PLXNA4: variants seen among roughly 807,000 people sequenced by gnomAD.
The protein encoded by PLXNA4 is plexin A4.
In PLXNA4, 44 loss-of-function variants were observed where a neutral mutation model predicts 191.8. The ratio of observed to expected loss-of-function variants is 0.23; its 90% CI spans 0.18 to 0.29. The LOEUF is 0.29. PLXNA4 is among the 10% of genes least tolerant of loss of function. PLXNA4 has a pLI of 1.00. For missense variants in PLXNA4, 1,800 were observed against 2,488.8 expected (o/e 0.72, Z 5.89); for synonymous variants, 1,082 against 1,009.5 (o/e 1.07, Z -1.36).
chr7:132,643,149 T>C (rs1803783636), intron 2 of PLXNA4, among the ~76,000 whole-genome samples: 2 of 152,148 alleles, frequency 1.3e-5, no homozygotes, highest in African/African-American at 4.8e-5. Flanking sequence ...CATGTAAGAC[T>C]GTGGCTCTGT....
At chr7:132,133,308 G>C (rs1265717494) in intron 30 of PLXNA4, 109 bp from the exon 31 acceptor site, 3 of 1,519,080 alleles carry the variant, frequency 2.0e-6, no homozygotes, top group Non-Finnish European at 2.6e-6. Context: ...TTGCACTGCA[G>C]GTAGTGGGTA....
intron 3 of PLXNA4, among the ~76,000 whole-genome samples, chr7:132,418,030 A>G (rs1248366541): frequency 6.6e-6 from 1 of 152,234 alleles, no homozygotes; most frequent in Non-Finnish European, 1.5e-5. Flanking sequence ...ATTTAGAACT[A>G]GCATTCTGGG....
intron 3 of PLXNA4, among the ~76,000 whole-genome samples, chr7:132,318,661 C>CTT (rs56179808): frequency 0.017 from 1,854 of 109,800 alleles, 26 homozygotes; most frequent in Non-Finnish European, 0.026. Flanking sequence ...ACGCACTTTG[C>CTT]TTTTTTTTTT....
At chr7:132,603,708 G>A (rs79235259) in intron 2 of PLXNA4, among the ~76,000 whole-genome samples, 2,179 of 152,256 alleles carry the variant, frequency 0.014, 31 homozygotes, top group Middle Eastern at 0.041. Flanking sequence ...CTTAGGACTT[G>A]GGAGTCAGAT....
In PLXNA4 at chr7:132,391,520, G is replaced by A. The variant is rs373782925; in HGVS notation, c.1372-93298C>T. ...CACCCTTACAACCCTTTAGCCTGAG[G>A]GAGCAAAGAATGGGGATGTTTATTG... On this transcript the variant is annotated intron_variant, in intron 3 of 31. Transcript: ENST00000321063. Among the ~76,000 whole-genome samples, 4 of 152,318 alleles carry A rather than the reference G, an allele frequency of 2.6e-5. No homozygotes were observed. The South Asian group carries it at 8.3e-4, about 32-fold the overall frequency.
In PLXNA4 at chr7:132,147,842, C is replaced by CA. The variant is rs1439707152; in HGVS notation, c.4864+57dup. 15 of 1,610,498 alleles carry CA rather than the reference C, an allele frequency of 9.3e-6. No individual in the cohort carries two copies. In the African/African-American group the frequency reaches 1.9e-4, roughly 20 times the overall value. ...TCCTGCCTTCTGGCTATGCTGCTGTCATGACAACAGCTGCTCAGGACACCC... is the reference window on the plus strand; with the variant it reads ...TCCTGCCTTCTGGCTATGCTGCTGTCAATGACAACAGCTGCTCAGGACACCC... On this transcript the variant is annotated intron_variant, in intron 27 of 31. Transcript: ENST00000321063.
intron 3 of PLXNA4, among the ~76,000 whole-genome samples, chr7:132,309,451 A>T (rs948848914): frequency 2.0e-5 from 3 of 152,112 alleles, no homozygotes; most frequent in Admixed American, 2.0e-4. Flanking sequence ...CCTCATCCAC[A>T]CGCCTCTATT....
chr7:132,483,785 C>A (rs1373224403), intron 3 of PLXNA4, among the ~76,000 whole-genome samples: 1 of 152,178 alleles, frequency 6.6e-6, no homozygotes, highest in African/African-American at 2.4e-5. Context: ...TGTGCACTAG[C>A]AATGATCACT....
chr7:132,516,596 T>C (rs1019560943), intron 1 of PLXNA4, among the ~76,000 whole-genome samples: 2 of 152,180 alleles, frequency 1.3e-5, no homozygotes, highest in Non-Finnish European at 2.9e-5. Flanking sequence ...CCAACGACTA[T>C]TGATGGAGCA....
At chr7:132,140,006 G>A (rs1258139993) in intron 30 of PLXNA4, among the ~76,000 whole-genome samples, 3 of 152,198 alleles carry the variant, frequency 2.0e-5, no homozygotes, top group African/African-American at 7.2e-5. Flanking sequence ...GCCCAGCCCT[G>A]CGGCTCATAG....
At chr7:132,603,536 A>G (rs1802860733) in intron 2 of PLXNA4, among the ~76,000 whole-genome samples, 1 of 152,212 alleles carries the variant, frequency 6.6e-6, no homozygotes, top group Non-Finnish European at 1.5e-5. Flanking sequence ...CCCAGCCTCT[A>G]ATATGCACCA....
At chr7:132,619,434 C>T (rs964896641) in intron 2 of PLXNA4, among the ~76,000 whole-genome samples, 3 of 152,230 alleles carry the variant, frequency 2.0e-5, no homozygotes, top group Non-Finnish European at 4.4e-5. Context: ...TTATTTGCTA[C>T]TGTTTCATCA....
chr7:132,601,051 A>G (rs1802808635), intron 2 of PLXNA4, among the ~76,000 whole-genome samples: 1 of 152,120 alleles, frequency 6.6e-6, no homozygotes, highest in Non-Finnish European at 1.5e-5. Context: ...AGTACACAGA[A>G]ACTTTTTTCT....
Position 132,130,253 on chromosome 7 carries a change from A to T in PLXNA4, c.*226T>A. 1.7e-6 allele frequency: 1 copy of T among 577,126 alleles called. No individual in the cohort carries two copies. Among genetic ancestry groups the T allele is most frequent in the South Asian group, 2.1e-5 (1 of 47,362 alleles). The allele number at this position is 577,126 out of a possible 1,614,324, so 35.8% of individuals were successfully genotyped here. A position where few individuals can be genotyped will look rare whatever the true frequency, so the allele number is the denominator to read the frequency against. ...CATGGGCCTGGCCATTCTTGGACTA[A>T]CTGAGGGTCAGTGGCTTGGTCCAAT... is the stretch of plus-strand genomic sequence containing the variant. On this transcript the variant is annotated 3_prime_UTR_variant, in exon 32 of 32. Coordinates refer to ENST00000321063, the MANE Select transcript of PLXNA4 (RefSeq NM_020911.2).
chr7:132,626,649 G>T (rs113978764), intron 2 of PLXNA4, among the ~76,000 whole-genome samples: 71 of 152,206 alleles, frequency 4.7e-4, no homozygotes, highest in Middle Eastern at 3.4e-3. Flanking sequence ...AGCTCCCTGA[G>T]CCCTCCCTAG....
chr7:132,282,293 C>G (rs1484881789), intron 4 of PLXNA4, among the ~76,000 whole-genome samples: 1 of 152,148 alleles, frequency 6.6e-6, no homozygotes, highest in Non-Finnish European at 1.5e-5. Context: ...CCAATATAGG[C>G]CAGGTGCAAT....
Position 132,442,173 on chromosome 7 carries a change from T to C in PLXNA4, c.1371+47119A>G, listed in dbSNP as rs559824377. ...CAAAAAGAGAAGACAGATCCAGATC[T>C]GAAAGAGCAGAGAATGAGTTGTCAG... On this transcript the variant is annotated intron_variant, in intron 3 of 31. Transcript: ENST00000321063. Among the ~76,000 whole-genome samples the C allele has an allele frequency of 3.9e-5, 6 of 152,246 alleles. No individual in the cohort carries two copies. In the South Asian group the frequency reaches 1.2e-3, roughly 32 times the overall value.
At chr7:132,284,772 A>AT (rs1800621677) in intron 4 of PLXNA4, among the ~76,000 whole-genome samples, 1 of 152,064 alleles carries the variant, frequency 6.6e-6, no homozygotes, top group African/African-American at 2.4e-5. Context: ...TTACAGGTGG[A>AT]TTTCTTTCTT....
intron 3 of PLXNA4, among the ~76,000 whole-genome samples, chr7:132,301,414 T>C (rs1293058802): frequency 6.6e-6 from 1 of 152,182 alleles, no homozygotes; most frequent in Non-Finnish European, 1.5e-5. Context: ...TTTATATATA[T>C]TTATTTTCTT....
Sources: allele counts gnomAD v4.1 joint callset (sites outside exome capture counted in the v4.1 genomes callset), GRCh38; gene constraint gnomAD v4.1.1; transcripts MANE v1.5; gene names NCBI Gene and HGNC (gene_info 2026-07-23, HGNC 2026-07-21).